Variants in APP observed in about 807,000 individuals in gnomAD.
APP encodes the protein amyloid beta precursor protein.
In APP, 31 loss-of-function variants were observed where a neutral mutation model predicts 101.4. The ratio of observed to expected loss-of-function variants is 0.31; its 90% confidence interval spans 0.23 to 0.41. The LOEUF is 0.41. Among genes scored for constraint, APP ranks in the 10% least tolerant of loss-of-function variants. The pLI is 1.00. For missense variants in APP, 839 were observed against 1,003.7 expected (o/e 0.84, Z 2.22); for synonymous variants, 366 against 364.4 (o/e 1.00, Z -0.05).
intron 5 of APP, among the ~76,000 whole-genome samples, chr21:26,043,858 A>C (rs567532716): frequency 0.07 from 45 of 644 alleles, 1 homozygote; most frequent in South Asian, 0.48. Context: ...ATCCATTCAT[A>C]GAGAAAAAGA....
chr21:26,087,427 C>T (rs572252179), intron 3 of APP, among the ~76,000 whole-genome samples: 2 of 152,336 alleles, frequency 1.3e-5, no homozygotes, highest in Non-Finnish European at 2.9e-5. Flanking sequence ...TTAGTGTCAA[C>T]GTGCTCATTT....
intron 13 of APP, among the ~76,000 whole-genome samples, chr21:25,927,736 T>G (rs998807560): frequency 6.6e-6 from 1 of 152,164 alleles, no homozygotes; most frequent in Non-Finnish European, 1.5e-5. Context: ...AAATATTCCT[T>G]ATTGCTAGGG....
intron 1 of APP, among the ~76,000 whole-genome samples, chr21:26,121,209 G>T (rs2830065): frequency 0.091 from 13,901 of 152,242 alleles, 872 homozygotes; most frequent in Admixed American, 0.14. Flanking sequence ...CCAAATATGT[G>T]TAAGAGTTAT....
chr21:25,909,363 G>A (rs1423591909), intron 14 of APP, among the ~76,000 whole-genome samples: 1 of 151,726 alleles, frequency 6.6e-6, no homozygotes, highest in Non-Finnish European at 1.5e-5. Context: ...ATAATGAAGA[G>A]TACTGCAACT....
chr21:26,109,722 T>A (rs1387214310), intron 2 of APP, among the ~76,000 whole-genome samples: 1 of 850 alleles, frequency 1.2e-3, no homozygotes, highest in Non-Finnish European at 2.5e-3. Context: ...TCAAGAAGAG[T>A]AATTTTTGGT....
intron 13 of APP, among the ~76,000 whole-genome samples, chr21:25,948,435 G>T (rs2146462394): frequency 6.6e-6 from 1 of 152,066 alleles, no homozygotes; most frequent in Admixed American, 6.5e-5. Context: ...TAAAAAATAA[G>T]CATCCTTTCA....
rs1407146002 is a variant in APP, at chr21:26,117,673, CT to C, written c.58-5528del. Among the ~76,000 whole-genome samples, 5 of 151,618 alleles carry C rather than the reference CT, an allele frequency of 3.3e-5. 1 individual carries two copies. The highest frequency in any genetic ancestry group is 1.2e-4 in the African/African-American group (5 of 41,360). On this transcript the variant is annotated intron_variant, in intron 1 of 17. Transcript: ENST00000346798. ...ATTGCAATTTTCCAAGGCTTTGCCCCTGTGTGTGTGTGTGCATGTATTTGTG... is the reference window on the plus strand; with the variant it reads ...ATTGCAATTTTCCAAGGCTTTGCCCCGTGTGTGTGTGTGCATGTATTTGTG...
chr21:25,943,838 G>C (rs1278572774), intron 13 of APP, among the ~76,000 whole-genome samples: 1 of 152,136 alleles, frequency 6.6e-6, no homozygotes, highest in Non-Finnish European at 1.5e-5. Flanking sequence ...TGATGATAAA[G>C]TTAGTTTTTA....
chr21:25,905,091 G>T lies in APP; in HGVS notation c.1910-14C>A. On this transcript the variant is annotated splice_polypyrimidine_tract_variant and intron_variant, in intron 14 of 17. Coordinates refer to ENST00000346798, the MANE Select transcript of APP (RefSeq NM_000484.4). ...CAACAGGCTCAACTGGGCACAGGAA[G>T]CAAGGGACACAGAAAGCAAACAAGA... is the stretch of plus-strand genomic sequence containing the variant. The T allele has an allele frequency of 1.2e-6, 2 of 1,612,476 alleles. No individual in the cohort carries two copies. The highest frequency in any genetic ancestry group is 1.7e-6 in the Non-Finnish European group (2 of 1,178,628).
At chr21:25,925,172 A>G (rs2039830731) in intron 13 of APP, among the ~76,000 whole-genome samples, 2 of 82 alleles carry the variant, frequency 0.024, no homozygotes, top group Admixed American at 0.17. Flanking sequence ...CTGTAAATCA[A>G]GCGGTCACCC....
intron 6 of APP, among the ~76,000 whole-genome samples, chr21:26,010,213 C>CAA (rs74265002): frequency 4.4e-4 from 35 of 80,216 alleles, no homozygotes; most frequent in African/African-American, 9.1e-4. Flanking sequence ...TCCTTTTGAA[C>CAA]AAAAAAAAAA....
intron 13 of APP, among the ~76,000 whole-genome samples, chr21:25,938,455 G>A (rs1224705759): frequency 6.6e-6 from 1 of 151,756 alleles, no homozygotes; most frequent in Non-Finnish European, 1.5e-5. Context: ...GACAATGTCT[G>A]TCATCCCATG....
intron 1 of APP, among the ~76,000 whole-genome samples, chr21:26,168,535 C>T (rs928518397): frequency 2.0e-5 from 3 of 152,178 alleles, no homozygotes; most frequent in Non-Finnish European, 2.9e-5. Flanking sequence ...AAACTAAATT[C>T]GAATCTGCCT....
intron 15 of APP, among the ~76,000 whole-genome samples, chr21:25,900,890 G>A (rs1429751766): frequency 2.7e-5 from 4 of 149,844 alleles, no homozygotes; most frequent in Non-Finnish European, 5.9e-5. Flanking sequence ...TAGAGGCTTA[G>A]GCAGGAGAAT....
chr21:25,883,535 C>A (rs1000861060), intron 17 of APP, among the ~76,000 whole-genome samples: 13 of 151,900 alleles, frequency 8.6e-5, no homozygotes, highest in African/African-American at 2.9e-4. Flanking sequence ...AACAAAAATA[C>A]AAAAAAATTT....
intron 1 of APP, chr21:26,158,330 G>A (rs964208150): frequency 1.3e-5 from 2 of 152,186 alleles, no homozygotes; most frequent in African/African-American, 4.8e-5. Context: ...GGTTCAGAAC[G>A]TTAAGTCTAC....
At chr21:26,061,239 T>C (rs1274001042) in intron 3 of APP, among the ~76,000 whole-genome samples, 1 of 152,212 alleles carries the variant, frequency 6.6e-6, no homozygotes, top group Non-Finnish European at 1.5e-5. Context: ...ATACTGAAGA[T>C]GATGGAAAAG....
intron 4 of APP, among the ~76,000 whole-genome samples, chr21:26,052,082 A>G (rs2045860950): frequency 6.6e-6 from 1 of 152,236 alleles, no homozygotes; most frequent in African/African-American, 2.4e-5. Context: ...TCTACAGTGG[A>G]TCCAAATATA....
chr21:25,907,397 A>G (rs1419146324), intron 14 of APP, among the ~76,000 whole-genome samples: 2 of 152,122 alleles, frequency 1.3e-5, no homozygotes, highest in African/African-American at 4.8e-5. Context: ...CAACAAAACA[A>G]AGTAGTGTGT....
Sources: allele counts gnomAD v4.1 joint callset (sites outside exome capture counted in the v4.1 genomes callset), GRCh38; gene constraint gnomAD v4.1.1; transcripts MANE v1.5; gene names NCBI Gene and HGNC (gene_info 2026-07-23, HGNC 2026-07-21).